Variants in PRKCE observed in about 807,000 individuals in gnomAD.
The protein encoded by PRKCE is protein kinase C epsilon, also known as protein kinase C epsilon type.
PRKCE carries 16 observed loss-of-function variants against 85.4 expected under a neutral mutation model. The observed-to-expected ratio is 0.19, with a 90% CI of 0.13 to 0.28. The LOEUF (loss-of-function observed/expected upper bound fraction) is 0.28. Among genes scored for constraint, PRKCE ranks in the 10% least tolerant of loss-of-function variants. The probability of loss-of-function intolerance (pLI) is 1.00; values close to 1 mark genes in which losing one functional copy is unlikely to be tolerated. For missense variants in PRKCE, 573 were observed against 975.2 expected, an observed-to-expected ratio of 0.59 and a Z score of 5.49; for synonymous variants, 388 against 371.5, an observed-to-expected ratio of 1.04 and a Z score of -0.51.
intron 1 of PRKCE, chr2:45,677,929 C>G (rs909979999): frequency 3.3e-5 from 32 of 979,490 alleles, no homozygotes; most frequent in Non-Finnish European, 3.6e-5. Flanking sequence ...AGGAGCATAT[C>G]AGTAGCTTTC....
At chr2:45,992,247 T>C (rs1175477413) in intron 6 of PRKCE, among the ~76,000 whole-genome samples, 5 of 152,164 alleles carry the variant, frequency 3.3e-5, no homozygotes, top group Non-Finnish European at 7.3e-5. Flanking sequence ...ACCATGAGAA[T>C]GTCCCCTGTA....
At chr2:45,777,441 C>T (rs1685837627) in intron 1 of PRKCE, among the ~76,000 whole-genome samples, 1 of 152,016 alleles carries the variant, frequency 6.6e-6, no homozygotes, top group Admixed American at 6.5e-5. Context: ...TGCCCTCACT[C>T]TTCTCAGTAT....
intron 1 of PRKCE, among the ~76,000 whole-genome samples, chr2:45,806,247 G>A (rs571751056): frequency 6.6e-6 from 1 of 152,308 alleles, no homozygotes; most frequent in East Asian, 1.9e-4. Context: ...TCCCATGTGT[G>A]TGAGAAGGCT....
At chr2:46,170,413 A>G (rs927133557) in intron 14 of PRKCE, among the ~76,000 whole-genome samples, 1 of 152,250 alleles carries the variant, frequency 6.6e-6, no homozygotes, top group African/African-American at 2.4e-5. Context: ...CAAATCATTG[A>G]ATGAGTCCCC....
intron 2 of PRKCE, among the ~76,000 whole-genome samples, chr2:45,872,267 G>A (rs1694154878): frequency 6.6e-6 from 1 of 152,144 alleles, no homozygotes; most frequent in Non-Finnish European, 1.5e-5. Context: ...ATCACGTTGG[G>A]CAGAGAAAAC....
At chr2:45,921,504 A>G (rs560183766) in intron 2 of PRKCE, among the ~76,000 whole-genome samples, 1 of 152,344 alleles carries the variant, frequency 6.6e-6, no homozygotes, top group South Asian at 2.1e-4. Context: ...CCAACAAGTT[A>G]TGTACTATTA....
At chr2:45,990,446 C>A (rs1703698008) in intron 6 of PRKCE, among the ~76,000 whole-genome samples, 1 of 152,140 alleles carries the variant, frequency 6.6e-6, no homozygotes, top group East Asian at 1.9e-4. Context: ...CACTATGAGG[C>A]AGGGGCAATC....
At position 46,140,699 on chromosome 2, in the gene PRKCE, G is replaced by A. The variant is rs185867379; in HGVS notation, c.1593-4394G>A. Among the ~76,000 whole-genome samples the A allele has an allele frequency of 2.1e-3, 327 of 152,110 alleles. 1 individual carries two copies. The highest frequency in any genetic ancestry group is 7.3e-3 in the African/African-American group (305 of 41,504). On this transcript the variant is annotated intron_variant, in intron 11 of 14. Coordinates refer to ENST00000306156, the MANE Select transcript of PRKCE (RefSeq NM_005400.3). ...AATTACATAAAAATAAATAATATTGGCATGACAAAACCACCATAAGCAATG... is the reference window on the plus strand; with the variant it reads ...AATTACATAAAAATAAATAATATTGACATGACAAAACCACCATAAGCAATG...
chr2:46,015,144 T>C (rs867833884), intron 10 of PRKCE, among the ~76,000 whole-genome samples: 4 of 152,222 alleles, frequency 2.6e-5, no homozygotes, highest in Middle Eastern at 3.4e-3. Context: ...GAAGTGACTT[T>C]TGGAATTGCC....
At chr2:45,834,366 AG>A (rs1690676605) in intron 1 of PRKCE, among the ~76,000 whole-genome samples, 1 of 152,238 alleles carries the variant, frequency 6.6e-6, no homozygotes, top group African/African-American at 2.4e-5. Context: ...TGCAGTGAAA[AG>A]GGACATTTTA....
At chr2:46,067,231 CA>C (rs1667694455) in intron 10 of PRKCE, among the ~76,000 whole-genome samples, 1 of 152,198 alleles carries the variant, frequency 6.6e-6, no homozygotes, top group South Asian at 2.1e-4. Context: ...AAGATATCAC[CA>C]TATCCTATTT....
chr2:46,022,217 T>A lies in PRKCE; in HGVS notation c.1437+11700T>A, dbSNP rs572101042. 1.1e-4 allele frequency among the ~76,000 whole-genome samples: 16 copies of A among 152,232 alleles called. No individual in the cohort carries two copies. The South Asian group carries it at 2.1e-3, about 20-fold the overall frequency. On this transcript the variant is annotated intron_variant, in intron 10 of 14. Coordinates refer to ENST00000306156, the MANE Select transcript of PRKCE (RefSeq NM_005400.3). ...GCCACTGATGCTTGCTCTGAGACAGTTATCTGGGCACTGACTTTTCTCATT... is the reference window on the plus strand; with the variant it reads ...GCCACTGATGCTTGCTCTGAGACAGATATCTGGGCACTGACTTTTCTCATT...
intron 1 of PRKCE, among the ~76,000 whole-genome samples, chr2:45,687,101 A>G (rs954260692): frequency 6.6e-6 from 1 of 152,124 alleles, no homozygotes; most frequent in East Asian, 1.9e-4. Flanking sequence ...GATATATTAA[A>G]TTTCCAAAAA....
chr2:45,995,402 G>A (rs1293143597), intron 6 of PRKCE, among the ~76,000 whole-genome samples: 1 of 152,020 alleles, frequency 6.6e-6, no homozygotes, highest in Non-Finnish European at 1.5e-5. Flanking sequence ...GCATCATGGT[G>A]TTGCATCAAG....
intron 1 of PRKCE, among the ~76,000 whole-genome samples, chr2:45,695,341 A>C (rs1016440806): frequency 6.6e-6 from 1 of 152,210 alleles, no homozygotes; most frequent in South Asian, 2.1e-4. Context: ...CTGGAGGTAG[A>C]GAGGTCAACT....
intron 10 of PRKCE, among the ~76,000 whole-genome samples, chr2:46,051,874 G>T (rs570159177): frequency 1.4e-3 from 217 of 152,284 alleles, no homozygotes; most frequent in African/African-American, 5.0e-3. Context: ...CTCTTCAGAG[G>T]GCAGCAGAGA....
At chr2:45,865,007 C>T (rs1558767775) in intron 2 of PRKCE, among the ~76,000 whole-genome samples, 2 of 152,304 alleles carry the variant, frequency 1.3e-5, no homozygotes, top group South Asian at 2.1e-4. Context: ...AACCTGAGAC[C>T]TCTGGTCGTA....
At chr2:45,967,542 T>C (rs1198307979) in intron 2 of PRKCE, among the ~76,000 whole-genome samples, 2 of 152,228 alleles carry the variant, frequency 1.3e-5, no homozygotes, top group East Asian at 1.9e-4. Flanking sequence ...TATCAACCAT[T>C]ATAGTCAAGG....
At chr2:46,140,905 C>T (rs893965255) in intron 11 of PRKCE, among the ~76,000 whole-genome samples, 3 of 152,070 alleles carry the variant, frequency 2.0e-5, no homozygotes, top group Non-Finnish European at 4.4e-5. Context: ...CTTTTGAATA[C>T]ATGAAAACAT....
Sources: gnomAD v4.1 joint callset for allele counts (sites outside exome capture counted in the v4.1 genomes callset) on GRCh38, gnomAD v4.1.1 for gene constraint, MANE v1.5 for transcripts, NCBI Gene and HGNC (gene_info 2026-07-23, HGNC 2026-07-21) for gene names.